The following CENPW variants were observed in gnomAD, a reference collection of about 807,000 sequenced individuals.
CENPW encodes the protein cancer-up-regulated gene 2 protein.
CENPW carries 3 observed loss-of-function variants against 11.1 expected under a neutral mutation model. The ratio of observed to expected loss-of-function variants is 0.27; its 90% CI spans 0.12 to 0.70. CENPW has a LOEUF of 0.70. CENPW is among the 30% of genes least tolerant of loss of function. CENPW has a pLI of 0.77. For synonymous variants in CENPW, 38 were observed against 42.0 expected, an observed-to-expected ratio of 0.91 and a Z score of 0.37; for missense variants, 100 against 105.6, an observed-to-expected ratio of 0.95 and a Z score of 0.23.
the CENPW span, among the ~76,000 whole-genome samples, chr6:126,447,870 C>CA: frequency 6.6e-6 from 1 of 151,274 alleles, no homozygotes; most frequent in Non-Finnish European, 1.5e-5. Context: ...TATGTGTTTA[C>CA]AACCACCTCT....
chr6:126,473,814 T>TATATAGAATATATATGCACAGCATAGAA, the CENPW span, among the ~76,000 whole-genome samples: 74 of 149,334 alleles, frequency 5.0e-4, 4 homozygotes, highest in South Asian at 0.015. Flanking sequence ...ACAGCATAGA[T>TATATAGAATATATATGCACAGCATAGAA]ATATAGAATA....
chr6:126,407,418 A>G, the CENPW span, among the ~76,000 whole-genome samples: 1 of 152,166 alleles, frequency 6.6e-6, no homozygotes, highest in Non-Finnish European at 1.5e-5. Flanking sequence ...TCTTTATAAT[A>G]TAATTATTTA....
the CENPW span, among the ~76,000 whole-genome samples, chr6:126,450,010 G>A: frequency 6.6e-6 from 1 of 150,970 alleles, no homozygotes; most frequent in Non-Finnish European, 1.5e-5. Context: ...TGTCTTTCAA[G>A]TAAAAGTAGT....
chr6:126,405,116 G>A, the CENPW span, among the ~76,000 whole-genome samples: 1 of 151,952 alleles, frequency 6.6e-6, no homozygotes, highest in Non-Finnish European at 1.5e-5. Flanking sequence ...TTTTCGTCAG[G>A]TAGATTTATA....
chr6:126,477,535 C>T, the CENPW span, among the ~76,000 whole-genome samples: 2 of 152,032 alleles, frequency 1.3e-5, no homozygotes, highest in African/African-American at 4.8e-5. Context: ...TTAATTCTCA[C>T]ATACTCTGTG....
chr6:126,451,987 C>A, the CENPW span, among the ~76,000 whole-genome samples: 1 of 151,022 alleles, frequency 6.6e-6, no homozygotes. Flanking sequence ...ATAGACCCCC[C>A]ACCCAGGTCA....
chr6:126,408,161 T>G, the CENPW span, among the ~76,000 whole-genome samples: 1 of 152,140 alleles, frequency 6.6e-6, no homozygotes, highest in Non-Finnish European at 1.5e-5. Flanking sequence ...TAAATGGTGC[T>G]GGGAAAACTG....
chr6:126,413,881 T>G, the CENPW span, among the ~76,000 whole-genome samples: 3 of 151,946 alleles, frequency 2.0e-5, no homozygotes, highest in Non-Finnish European at 4.4e-5. Flanking sequence ...ACTAGCTGAA[T>G]GGATTTTTTA....
At chr6:126,381,651 GC>G in the CENPW span, among the ~76,000 whole-genome samples, 7 of 152,080 alleles carry the variant, frequency 4.6e-5, no homozygotes, top group Admixed American at 4.6e-4. Context: ...CAACCAACAT[GC>G]ACCTTGCCGC....
At chr6:126,479,546 G>A in the CENPW span, among the ~76,000 whole-genome samples, 1 of 152,002 alleles carries the variant, frequency 6.6e-6, no homozygotes, top group African/African-American at 2.4e-5. Flanking sequence ...TATGTTTCTT[G>A]AAAATGCATC....
chr6:126,340,229 A>G lies in CENPW; in HGVS notation c.-45A>G, dbSNP rs1408350965. 1.3e-6 allele frequency: 2 copies of G among 1,598,036 alleles called. No individual in the cohort carries two copies. Among genetic ancestry groups the G allele is most frequent in the Admixed American group, 1.7e-5 (1 of 59,846 alleles). On this transcript the variant is annotated 5_prime_UTR_variant, in exon 1 of 3. Coordinates refer to ENST00000368328, the MANE Select transcript of CENPW (RefSeq NM_001012507.4). ...TGTCCCCGGAGCTTGTGTGCGATAC[A>G]GAGAGCACCTCGGAAGCTGAGGCAG...
chr6:126,367,639 A>G, the CENPW span, among the ~76,000 whole-genome samples: 32 of 152,300 alleles, frequency 2.1e-4, no homozygotes, highest in African/African-American at 7.2e-4. Context: ...GGGAGTCTTG[A>G]AACACTAGAG....
chr6:126,476,675 A>G, the CENPW span, among the ~76,000 whole-genome samples: 1 of 152,146 alleles, frequency 6.6e-6, no homozygotes, highest in East Asian at 1.9e-4. Context: ...TCATTTTAAC[A>G]CTTAAAATAT....
downstream of CENPW, among the ~76,000 whole-genome samples, chr6:126,352,217 G>C (rs1218736794): frequency 6.6e-6 from 1 of 152,146 alleles, no homozygotes; most frequent in Non-Finnish European, 1.5e-5. Context: ...ACTTAGGGTA[G>C]TGTTGAGTTG....
At chr6:126,380,939 A>C in the CENPW span, among the ~76,000 whole-genome samples, 2 of 152,206 alleles carry the variant, frequency 1.3e-5, no homozygotes, top group African/African-American at 4.8e-5. Flanking sequence ...GTGTGTTTGT[A>C]CTTTCTTGTT....
the CENPW span, among the ~76,000 whole-genome samples, chr6:126,432,057 T>A: frequency 2.9e-5 from 3 of 102,886 alleles, no homozygotes; most frequent in Non-Finnish European, 5.3e-5. Context: ...AGACTGAGAC[T>A]CCATCTCACA....
the CENPW span, among the ~76,000 whole-genome samples, chr6:126,481,960 G>T: frequency 6.6e-6 from 1 of 151,966 alleles, no homozygotes; most frequent in Non-Finnish European, 1.5e-5. Context: ...CATGCTTATT[G>T]ATCATTTGGA....
At chr6:126,455,238 A>G in the CENPW span, among the ~76,000 whole-genome samples, 1 of 151,438 alleles carries the variant, frequency 6.6e-6, no homozygotes, top group East Asian at 1.9e-4. Context: ...TCATCCTGAT[A>G]CTTAAACCTG....
the CENPW span, among the ~76,000 whole-genome samples, chr6:126,434,532 CAT>C: frequency 6.6e-6 from 1 of 151,966 alleles, no homozygotes; most frequent in African/African-American, 2.4e-5. Flanking sequence ...GCTGGCTAGA[CAT>C]GTACAATTAT....
Sources: gnomAD v4.1 joint callset for allele counts (sites outside exome capture counted in the v4.1 genomes callset) on GRCh38, gnomAD v4.1.1 for gene constraint, MANE v1.5 for transcripts, NCBI Gene and HGNC (gene_info 2026-07-23, HGNC 2026-07-21) for gene names.